The following BACH1 variants were observed in gnomAD, a reference collection of about 807,000 sequenced individuals.
BACH1 encodes the protein BTB domain and CNC homolog 1.
BACH1 carries 35 observed loss-of-function variants against 52.9 expected under a neutral mutation model. That is an observed-to-expected ratio of 0.66 (90% CI 0.51 to 0.88). The LOEUF is 0.88. BACH1 is among the 40% of genes least tolerant of loss of function. The probability of loss-of-function intolerance (pLI) is 0.00; values close to 1 mark genes in which losing one functional copy is unlikely to be tolerated. For missense variants in BACH1, 808 were observed against 872.6 expected (o/e 0.93, Z 0.93); for synonymous variants, 321 against 319.6 (o/e 1.00, Z -0.05).
At chr21:29,303,995 A>G (rs2300301) in intron 1 of BACH1, among the ~76,000 whole-genome samples, 20,077 of 152,254 alleles carry the variant, frequency 0.13, 1,858 homozygotes, top group East Asian at 0.36. Context: ...AAAATGTTAC[A>G]TTAATGCAGC....
At chr21:29,316,211 A>G (rs1284604047) in intron 1 of BACH1, among the ~76,000 whole-genome samples, 1 of 152,154 alleles carries the variant, frequency 6.6e-6, no homozygotes, top group Non-Finnish European at 1.5e-5. Flanking sequence ...CTTTAAATAA[A>G]TTATATAATG....
intron 2 of BACH1, among the ~76,000 whole-genome samples, chr21:29,355,247 A>T (rs2089226730): frequency 6.6e-6 from 1 of 151,900 alleles, no homozygotes; most frequent in Non-Finnish European, 1.5e-5. Context: ...CAGAGTGCTG[A>T]TTGGTCCGTT....
chr21:29,355,817 G>C (rs1364529579), intron 2 of BACH1, among the ~76,000 whole-genome samples: 1 of 152,250 alleles, frequency 6.6e-6, no homozygotes, highest in Non-Finnish European at 1.5e-5. Context: ...CCCAACTCCA[G>C]AGGTTGGTAT....
rs762023795 is a variant in BACH1 at position 29,345,821 on chromosome 21, T to C, written c.*2988T>C. The C allele has an allele frequency of 5.2e-5, 8 of 152,624 alleles. No homozygotes were observed. The highest frequency in any genetic ancestry group is 8.8e-5 in the Non-Finnish European group (6 of 68,006). The allele number at this position is 152,624 out of a possible 1,614,324, so 9.5% of individuals were successfully genotyped here. A position where few individuals can be genotyped will look rare whatever the true frequency, so the allele number is the denominator to read the frequency against. ...ATATTTTAAATGTTTTATTAAGGCA[T>C]GTAATAAACTATTCTTTGAAACTTG... On this transcript the variant is annotated 3_prime_UTR_variant, in exon 5 of 5. Coordinates refer to ENST00000286800, the MANE Select transcript of BACH1 (RefSeq NM_001186.4).
intron 2 of BACH1, among the ~76,000 whole-genome samples, chr21:29,321,794 G>A (rs1017060585): frequency 6.6e-6 from 1 of 151,888 alleles, no homozygotes; most frequent in Non-Finnish European, 1.5e-5. Flanking sequence ...TGGATTGTAG[G>A]CAATTGGAAA....
At position 29,326,307 on chromosome 21, in the gene BACH1, C is replaced by A. The variant is rs1335889108; in HGVS notation, c.483C>A (p.Asp161Glu). The A allele has an allele frequency of 6.2e-7, 1 of 1,613,954 alleles. No individual in the cohort carries two copies. The highest frequency in any genetic ancestry group is 1.3e-5 in the African/African-American group (1 of 74,874). Residue 161 changes from aspartate to glutamate, a missense_variant, in exon 3 of 5, where the codon GAC (aspartate) becomes GAA (glutamate). Transcript: ENST00000286800. ...CAGACCTTAAACTTTCACTTTTGGA[C>A]CAGAGGGATCTAGAAACTGATGAAG... Reference protein sequence around the residue: ...QKTDLKLSLLDQRDLETDEVE... With the variant: ...QKTDLKLSLLEQRDLETDEVE...
chr21:29,320,616 A>G (rs2123433845), intron 1 of BACH1, among the ~76,000 whole-genome samples: 1 of 152,340 alleles, frequency 6.6e-6, no homozygotes, highest in African/African-American at 2.4e-5. Flanking sequence ...AAAAAGACTT[A>G]CTACCAAGAT....
chr21:29,333,665 T>A (rs1261408442), intron 4 of BACH1, among the ~76,000 whole-genome samples: 1 of 152,202 alleles, frequency 6.6e-6, no homozygotes, highest in Non-Finnish European at 1.5e-5. Flanking sequence ...ATCTTGGAAC[T>A]TTTTGCAGTT....
At chr21:29,317,625 G>A (rs910461815) in intron 1 of BACH1, among the ~76,000 whole-genome samples, 2 of 152,194 alleles carry the variant, frequency 1.3e-5, no homozygotes, top group African/African-American at 4.8e-5. Flanking sequence ...ACTTGAGGAC[G>A]TGTTAAGGAT....
At position 29,342,911 on chromosome 21, in the gene BACH1, C is replaced by T; in HGVS notation, c.*78C>T. On this transcript the variant is annotated 3_prime_UTR_variant, in exon 5 of 5. Transcript: ENST00000286800. Reference sequence around the variant, plus strand: ...CGTCTTGAAAGCCTAATATGACCATCTGTTGCTCAACAATACTGTTTTTTT... The same window carrying T: ...CGTCTTGAAAGCCTAATATGACCATTTGTTGCTCAACAATACTGTTTTTTT... The T allele has an allele frequency of 1.1e-5, 15 of 1,378,014 alleles. No homozygotes were observed. Among genetic ancestry groups the T allele is most frequent in the Non-Finnish European group, 1.5e-5 (15 of 1,021,128 alleles). 85.4% of individuals were successfully genotyped at this position (1,378,014 alleles called of 1,614,324 possible). A position where few individuals can be genotyped will look rare whatever the true frequency, so the allele number is the denominator to read the frequency against.
At chr21:29,323,328 T>C (rs2088870960) in intron 2 of BACH1, among the ~76,000 whole-genome samples, 1 of 151,920 alleles carries the variant, frequency 6.6e-6, no homozygotes, top group Non-Finnish European at 1.5e-5. Flanking sequence ...CCAGTCCGAG[T>C]CCAAAGGCCT....
At chr21:29,359,871 A>ACT (rs1231282485) in intron 2 of BACH1, among the ~76,000 whole-genome samples, 3 of 152,114 alleles carry the variant, frequency 2.0e-5, no homozygotes, top group Non-Finnish European at 4.4e-5. Flanking sequence ...GACAGACAGA[A>ACT]CTCTTGATCA....
intron 2 of BACH1, among the ~76,000 whole-genome samples, chr21:29,325,170 C>A (rs2088895745): frequency 6.6e-6 from 1 of 152,052 alleles, no homozygotes; most frequent in South Asian, 2.1e-4. Context: ...GCGGAGCTTG[C>A]AGTGAGCCGA....
intron 4 of BACH1, among the ~76,000 whole-genome samples, chr21:29,341,309 A>G (rs1259910753): frequency 6.6e-6 from 1 of 152,212 alleles, no homozygotes; most frequent in African/African-American, 2.4e-5. Flanking sequence ...GAACCTGTCA[A>G]TGAACAGAAA....
chr21:29,310,829 C>T (rs1284346305), intron 1 of BACH1, among the ~76,000 whole-genome samples: 1 of 152,150 alleles, frequency 6.6e-6, no homozygotes, highest in Non-Finnish European at 1.5e-5. Context: ...TTTGAGTGGC[C>T]TCAAATGAAA....
At chr21:29,335,063 G>A (rs1314559709) in intron 4 of BACH1, among the ~76,000 whole-genome samples, 1 of 152,180 alleles carries the variant, frequency 6.6e-6, no homozygotes, top group Non-Finnish European at 1.5e-5. Context: ...CCTGGACCTT[G>A]CATTTGATAC....
chr21:29,335,241 G>A (rs558936603), intron 4 of BACH1, among the ~76,000 whole-genome samples: 70 of 152,286 alleles, frequency 4.6e-4, no homozygotes, highest in African/African-American at 1.5e-3. Flanking sequence ...ACATTCCCCC[G>A]TTACTAATGT....
chr21:29,354,748 T>C (rs1344037347), intron 2 of BACH1, among the ~76,000 whole-genome samples: 1 of 152,150 alleles, frequency 6.6e-6, no homozygotes, highest in Non-Finnish European at 1.5e-5. Flanking sequence ...GTGGCGCCCA[T>C]GTGGTTGTTG....
At chr21:29,311,321 T>G (rs2088718693) in intron 1 of BACH1, among the ~76,000 whole-genome samples, 1 of 152,230 alleles carries the variant, frequency 6.6e-6, no homozygotes, top group Non-Finnish European at 1.5e-5. Context: ...TGCAACCAAG[T>G]GATCAACCAT....
Sources: gnomAD v4.1 joint callset for allele counts (sites outside exome capture counted in the v4.1 genomes callset) on GRCh38, gnomAD v4.1.1 for gene constraint, MANE v1.5 for transcripts, NCBI Gene and HGNC (gene_info 2026-07-23, HGNC 2026-07-21) for gene names.